Variants in CCDC126 observed in about 807,000 individuals in gnomAD.
CCDC126 encodes coiled-coil domain containing 126.
CCDC126 carries 5 observed loss-of-function variants against 11.7 expected under a neutral mutation model. The ratio of observed to expected loss-of-function variants is 0.43; its 90% CI spans 0.22 to 0.90. The LOEUF is 0.90. Ranked by LOEUF, CCDC126 falls within the 40% of genes least tolerant of loss-of-function variation. The probability of loss-of-function intolerance (pLI) is 0.27; values close to 1 mark genes in which losing one functional copy is unlikely to be tolerated. For missense variants in CCDC126, 150 were observed against 163.1 expected, an observed-to-expected ratio of 0.92 and a Z score of 0.44; for synonymous variants, 60 against 61.9, an observed-to-expected ratio of 0.97 and a Z score of 0.14.
intron 2 of CCDC126, among the ~76,000 whole-genome samples, chr7:23,600,374 A>ACCCCCC (rs35190673): frequency 2.0e-4 from 16 of 80,618 alleles, no homozygotes; most frequent in African/African-American, 3.3e-4. Context: ...TTCTGTGTTA[A>ACCCCCC]CCCCCCCCCC....
At chr7:23,599,469 AGT>A (rs1040988751) in intron 2 of CCDC126, among the ~76,000 whole-genome samples, 2 of 151,316 alleles carry the variant, frequency 1.3e-5, no homozygotes, top group African/African-American at 4.9e-5. Context: ...AGTGCTGCAT[AGT>A]GTGTGTCTAT....
chr7:23,611,216 A>G lies in CCDC126; in HGVS notation c.-100A>G. On this transcript the variant is annotated 5_prime_UTR_variant, in exon 3 of 4. Coordinates refer to ENST00000307471, the MANE Select transcript of CCDC126 (RefSeq NM_138771.4). The stretch of plus-strand genomic sequence containing the variant: ...CCTTGCTGAAGATGAAGAATATACA[A>G]TATTGAGGATATTTTTTTCTTTTTT... The G allele has an allele frequency of 8.2e-6, 6 of 734,938 alleles. No individual in the cohort carries two copies. Among genetic ancestry groups the G allele is most frequent in the Non-Finnish European group, 1.4e-5 (6 of 422,366 alleles). 45.5% of individuals were successfully genotyped at this position (734,938 alleles called of 1,614,324 possible). A position where few individuals can be genotyped will look rare whatever the true frequency, so the allele number is the denominator to read the frequency against.
At chr7:23,641,081 T>G (rs1261150428) in intron 3 of CCDC126, among the ~76,000 whole-genome samples, 1 of 150,468 alleles carries the variant, frequency 6.6e-6, no homozygotes, top group Non-Finnish European at 1.5e-5. Flanking sequence ...TTTGAGGAAC[T>G]GGCAAACTCT....
intron 3 of CCDC126, among the ~76,000 whole-genome samples, chr7:23,626,414 A>G (rs1033389208): frequency 3.9e-5 from 6 of 152,222 alleles, no homozygotes; most frequent in African/African-American, 1.2e-4. Flanking sequence ...AATCAAAAAT[A>G]TTTATTGAAT....
rs1782439410 is a variant in CCDC126, at chr7:23,597,572, G to T, written c.-264G>T. On this transcript the variant is annotated 5_prime_UTR_variant, in exon 1 of 4. Coordinates refer to ENST00000307471, the MANE Select transcript of CCDC126 (RefSeq NM_138771.4). ...GTCGCCCCGGCTCAGAAGCTCCGTG[G>T]CGGCGGCGACCGTGACGAGAAGCCC... The T allele has an allele frequency of 6.6e-6, 1 of 152,272 alleles. No homozygotes were observed. The highest frequency in any genetic ancestry group is 1.5e-5 in the Non-Finnish European group (1 of 68,068). 9.4% of individuals were successfully genotyped at this position (152,272 alleles called of 1,614,324 possible). A position where few individuals can be genotyped will look rare whatever the true frequency, so the allele number is the denominator to read the frequency against.
intron 3 of CCDC126, among the ~76,000 whole-genome samples, chr7:23,636,256 A>G (rs1472524059): frequency 1.3e-5 from 2 of 152,172 alleles, no homozygotes; most frequent in African/African-American, 4.8e-5. Context: ...CAAAGTGCCG[A>G]GATTGCAGCC....
intron 3 of CCDC126, among the ~76,000 whole-genome samples, chr7:23,638,166 TG>T (rs1456038287): frequency 6.7e-6 from 1 of 149,288 alleles, no homozygotes; most frequent in Non-Finnish European, 1.5e-5. Context: ...CCGCCCCTAC[TG>T]GGAAGTGAGG....
chr7:23,616,540 G>GT (rs567434441), intron 3 of CCDC126, among the ~76,000 whole-genome samples: 1 of 152,188 alleles, frequency 6.6e-6, no homozygotes, highest in Non-Finnish European at 1.5e-5. Flanking sequence ...TTCATTGTAA[G>GT]TTTGGCTGGG....
At chr7:23,627,044 C>A (rs927827602) in intron 3 of CCDC126, among the ~76,000 whole-genome samples, 2 of 152,154 alleles carry the variant, frequency 1.3e-5, no homozygotes, top group African/African-American at 2.4e-5. Context: ...GGAATACTTG[C>A]TCCAGCTTCA....
At chr7:23,621,405 CT>C (rs1393703923) in intron 3 of CCDC126, among the ~76,000 whole-genome samples, 1 of 152,162 alleles carries the variant, frequency 6.6e-6, no homozygotes, top group African/African-American at 2.4e-5. Context: ...TATAAGAATG[CT>C]TGTGATTTTT....
At chr7:23,631,180 A>G (rs1783105118) in intron 3 of CCDC126, among the ~76,000 whole-genome samples, 1 of 152,190 alleles carries the variant, frequency 6.6e-6, no homozygotes, top group Non-Finnish European at 1.5e-5. Flanking sequence ...GAAATTGAAA[A>G]CAAAAACAGT....
chr7:23,611,766 A>G (rs1399700829), intron 3 of CCDC126, among the ~76,000 whole-genome samples: 2 of 152,252 alleles, frequency 1.3e-5, no homozygotes, highest in African/African-American at 4.8e-5. Flanking sequence ...ACATTTGGCA[A>G]CATTTGTTTT....
chr7:23,620,854 G>T lies in CCDC126; in HGVS notation c.238+9301G>T, dbSNP rs866770668. On this transcript the variant is annotated intron_variant, in intron 3 of 3. Transcript: ENST00000307471. ...ATAGGGAATCCTTTCCCCATTGCTT[G>T]TTTTTGTCAGGTTTGTCAAAGATCA... Among the ~76,000 whole-genome samples the T allele has an allele frequency of 2.4e-4, 36 of 152,030 alleles. No individual in the cohort carries two copies. The Middle Eastern group carries it at 0.017, about 72-fold the overall frequency.
At chr7:23,629,591 T>C (rs1783072012) in intron 3 of CCDC126, among the ~76,000 whole-genome samples, 2 of 148,898 alleles carry the variant, frequency 1.3e-5, no homozygotes, top group South Asian at 4.2e-4. Flanking sequence ...AAAGACACCT[T>C]CAAAAAAAAA....
Position 23,639,179 on chromosome 7 carries a change from A to AT in CCDC126, c.239-3744dup, listed in dbSNP as rs576090845. Among the ~76,000 whole-genome samples the AT allele has an allele frequency of 1.6e-4, 23 of 147,818 alleles. 1 individual carries two copies. The highest frequency in any genetic ancestry group is 3.7e-4 in the African/African-American group (15 of 40,202). On this transcript the variant is annotated intron_variant, in intron 3 of 3. Transcript: ENST00000307471. ...TCATCTAAACTCACAATTGGCTAAC[A>AT]TTTTTTTTATGTCTTTTTTTTTTTT...
At chr7:23,610,544 T>C (rs985016461) in intron 2 of CCDC126, among the ~76,000 whole-genome samples, 17 of 152,216 alleles carry the variant, frequency 1.1e-4, no homozygotes, top group African/African-American at 4.1e-4. Flanking sequence ...CGTTAAATGA[T>C]CATCATTCTT....
intron 2 of CCDC126, among the ~76,000 whole-genome samples, chr7:23,598,957 G>GT (rs931577302): frequency 9.9e-5 from 15 of 151,628 alleles, no homozygotes; most frequent in East Asian, 1.9e-4. Context: ...GTTTTTAGAG[G>GT]TTTTTTTTTA....
At chr7:23,609,523 C>T (rs1270652492) in intron 2 of CCDC126, among the ~76,000 whole-genome samples, 1 of 152,130 alleles carries the variant, frequency 6.6e-6, no homozygotes, top group African/African-American at 2.4e-5. Context: ...CTCTAGTCCC[C>T]AGACAGGAGG....
At chr7:23,639,929 A>AGG (rs2128023010) in intron 3 of CCDC126, among the ~76,000 whole-genome samples, 1 of 152,260 alleles carries the variant, frequency 6.6e-6, no homozygotes, top group South Asian at 2.1e-4. Flanking sequence ...TAATCCCAGC[A>AGG]CTTTGGGAGG....
Sources: gnomAD v4.1 joint callset for allele counts (sites outside exome capture counted in the v4.1 genomes callset) on GRCh38, gnomAD v4.1.1 for gene constraint, MANE v1.5 for transcripts, NCBI Gene and HGNC (gene_info 2026-07-23, HGNC 2026-07-21) for gene names.